Variants in RBMS3 observed in about 807,000 individuals in gnomAD.
RBMS3 encodes RNA binding motif single stranded interacting protein 3.
A neutral mutation model predicts 66.8 loss-of-function variants in RBMS3; 27 were observed. The observed-to-expected ratio is 0.40, with a 90% CI of 0.30 to 0.56. The LOEUF (loss-of-function observed/expected upper bound fraction) is 0.56. Among genes scored for constraint, RBMS3 ranks in the 20% least tolerant of loss-of-function variants. The probability of loss-of-function intolerance (pLI) is 0.40; values close to 1 mark genes in which losing one functional copy is unlikely to be tolerated. For missense variants in RBMS3, 513 were observed against 549.5 expected, an observed-to-expected ratio of 0.93 and a Z score of 0.66; for synonymous variants, 188 against 183.0, an observed-to-expected ratio of 1.03 and a Z score of -0.22.
At position 29,334,834 on chromosome 3, in the gene RBMS3, T is replaced by C. The variant is rs151287486; in HGVS notation, c.75+53078T>C. Among the ~76,000 whole-genome samples the C allele has an allele frequency of 1.5e-3, 221 of 152,294 alleles. 1 individual carries two copies. Among genetic ancestry groups the C allele is most frequent in the East Asian group, 0.014 (70 of 5,180 alleles). On this transcript the variant is annotated intron_variant, in intron 1 of 14. Coordinates refer to ENST00000383767, the MANE Select transcript of RBMS3 (RefSeq NM_001003793.3). Reference sequence around the variant, plus strand: ...CATTTGTCATGCAGAAACTGTTCTTTATATGCAAAGCTGTCAGACAGATTG... The same window carrying C: ...CATTTGTCATGCAGAAACTGTTCTTCATATGCAAAGCTGTCAGACAGATTG...
chr3:29,807,743 C>G (rs1475912306), intron 6 of RBMS3, among the ~76,000 whole-genome samples: 1 of 139,160 alleles, frequency 7.2e-6, no homozygotes, highest in Admixed American at 7.1e-5. Flanking sequence ...AGCTCAATCT[C>G]ATTGTAAAAA....
intron 4 of RBMS3, among the ~76,000 whole-genome samples, chr3:29,588,972 T>C (rs971353162): frequency 6.6e-6 from 1 of 152,110 alleles, no homozygotes; most frequent in African/African-American, 2.4e-5. Context: ...ATTCCATTGG[T>C]AAACTCCCAA....
chr3:29,340,715 T>G (rs2036233270), intron 1 of RBMS3, among the ~76,000 whole-genome samples: 1 of 152,150 alleles, frequency 6.6e-6, no homozygotes, highest in African/African-American at 2.4e-5. Context: ...AATTCTACTT[T>G]TTAGGAGATG....
At chr3:29,394,461 C>A (rs548107830) in intron 1 of RBMS3, among the ~76,000 whole-genome samples, 2 of 151,904 alleles carry the variant, frequency 1.3e-5, no homozygotes, top group African/African-American at 4.8e-5. Context: ...CCTCAGCTTA[C>A]GAAGATGACA....
chr3:29,719,522 G>A (rs1165848049), intron 4 of RBMS3, among the ~76,000 whole-genome samples: 1 of 152,084 alleles, frequency 6.6e-6, no homozygotes, highest in Non-Finnish European at 1.5e-5. Flanking sequence ...GTTCCTGCAT[G>A]TTTATATTTA....
At chr3:29,367,332 C>G (rs531831351) in intron 1 of RBMS3, among the ~76,000 whole-genome samples, 2 of 152,016 alleles carry the variant, frequency 1.3e-5, no homozygotes, top group African/African-American at 4.8e-5. Flanking sequence ...TTTTTAATAA[C>G]CTGAAAAACA....
At chr3:29,581,860 T>G (rs1375461644) in intron 3 of RBMS3, among the ~76,000 whole-genome samples, 1 of 152,114 alleles carries the variant, frequency 6.6e-6, no homozygotes, top group Non-Finnish European at 1.5e-5. Flanking sequence ...AGTTCTAGTT[T>G]TATCATTACT....
chr3:29,728,695 T>C (rs1181017488), intron 4 of RBMS3, among the ~76,000 whole-genome samples: 1 of 150,572 alleles, frequency 6.6e-6, no homozygotes, highest in Admixed American at 6.6e-5. Flanking sequence ...TGCAGCCTGT[T>C]CTCTTTGGAA....
chr3:29,812,611 G>A (rs2149460721), intron 6 of RBMS3, among the ~76,000 whole-genome samples: 1 of 152,254 alleles, frequency 6.6e-6, no homozygotes, highest in African/African-American at 2.4e-5. Flanking sequence ...TCTAAAACTT[G>A]GAATGGAAGG....
At chr3:29,720,107 C>T (rs1454026489) in intron 4 of RBMS3, among the ~76,000 whole-genome samples, 1 of 152,092 alleles carries the variant, frequency 6.6e-6, no homozygotes, top group Non-Finnish European at 1.5e-5. Flanking sequence ...CCATTACCCG[C>T]TAGCTCCCTC....
intron 3 of RBMS3, among the ~76,000 whole-genome samples, chr3:29,513,153 T>A (rs77430255): frequency 5.3e-5 from 8 of 152,304 alleles, no homozygotes; most frequent in Non-Finnish European, 1.2e-4. Flanking sequence ...TTTATGTAAC[T>A]TGTTAGAGAG....
intron 2 of RBMS3, among the ~76,000 whole-genome samples, chr3:29,486,579 C>T (rs1297712380): frequency 6.6e-6 from 1 of 152,104 alleles, no homozygotes; most frequent in Non-Finnish European, 1.5e-5. Context: ...AAAAAAGTTA[C>T]TTGTCAAAAT....
intron 1 of RBMS3, among the ~76,000 whole-genome samples, chr3:29,404,532 T>C (rs2039935683): frequency 6.6e-6 from 1 of 152,128 alleles, no homozygotes; most frequent in African/African-American, 2.4e-5. Flanking sequence ...AGGCTATATT[T>C]CTGTAGGATT....
rs1210673905 is a variant in RBMS3, at chr3:29,587,224, G to A, written c.399+19G>A. 2 of 574,754 alleles carry A rather than the reference G, an allele frequency of 3.5e-6. No homozygotes were observed. The highest frequency in any genetic ancestry group is 8.4e-5 in the African/African-American group (2 of 23,876). The allele number at this position is 574,754 out of a possible 1,614,324, so 35.6% of individuals were successfully genotyped here. On this transcript the variant is annotated intron_variant, in intron 4 of 14. Transcript: ENST00000383767. ...GGCTAAGGTAAGATTGATGTTTAGG[G>A]GTGTTTTTTTTTTTTTTTTTTTTTT...
chr3:29,947,803 G>T (rs143763799), intron 12 of RBMS3, among the ~76,000 whole-genome samples: 39 of 151,160 alleles, frequency 2.6e-4, no homozygotes, highest in African/African-American at 9.2e-4. Context: ...AAGATAATTT[G>T]TAGTCAAATT....
At chr3:29,524,786 G>A (rs1465667086) in intron 3 of RBMS3, among the ~76,000 whole-genome samples, 1 of 151,916 alleles carries the variant, frequency 6.6e-6, no homozygotes, top group Non-Finnish European at 1.5e-5. Context: ...GGGTGTGGTG[G>A]TTAATGCTGT....
At chr3:29,989,388 C>A (rs754902447) in intron 13 of RBMS3, among the ~76,000 whole-genome samples, 3 of 152,044 alleles carry the variant, frequency 2.0e-5, no homozygotes, top group South Asian at 4.1e-4. Context: ...CCTTCTTTCC[C>A]CTCTCCTGAT....
chr3:29,281,116 T>TTTG lies in RBMS3; in HGVS notation c.-564_-563insGTT, dbSNP rs2031719702. On this transcript the variant is annotated 5_prime_UTR_variant, in exon 1 of 15. Transcript: ENST00000383767. ...CAGCAGCAACTAAGCTGTACAAGGT[T>TTTG]TTTTTTTTTTTTTTTTCTTCCTTTT... 7.2e-6 allele frequency: 1 copy of TTTG among 139,546 alleles called. No homozygotes were observed. Among genetic ancestry groups the TTTG allele is most frequent in the Non-Finnish European group, 1.6e-5 (1 of 62,668 alleles). The allele number at this position is 139,546 out of a possible 1,614,324, so 8.6% of individuals were successfully genotyped here.
chr3:29,811,847 G>A (rs755586587), intron 6 of RBMS3, among the ~76,000 whole-genome samples: 5 of 152,134 alleles, frequency 3.3e-5, no homozygotes, highest in Admixed American at 6.5e-5. Flanking sequence ...GAGTTAGGTT[G>A]AGGAGCTAAC....
Sources: allele counts gnomAD v4.1 joint callset (sites outside exome capture counted in the v4.1 genomes callset), GRCh38; gene constraint gnomAD v4.1.1; transcripts MANE v1.5; gene names NCBI Gene and HGNC (gene_info 2026-07-23, HGNC 2026-07-21).